The following PDE4D variants were observed in gnomAD, a reference collection of about 807,000 sequenced individuals.
PDE4D encodes the protein phosphodiesterase 4D.
A neutral mutation model predicts 87.4 loss-of-function variants in PDE4D; 24 were observed. The ratio of observed to expected loss-of-function variants is 0.27; its 90% confidence interval spans 0.20 to 0.39. The LOEUF is 0.39. Among genes scored for constraint, PDE4D ranks in the 10% least tolerant of loss-of-function variants. The pLI, the probability that PDE4D is intolerant of heterozygous loss-of-function variation, is 1.00. For missense variants in PDE4D, 714 were observed against 1,041.0 expected (o/e 0.69, Z 4.32); for synonymous variants, 384 against 383.2 (o/e 1.00, Z -0.02).
At position 59,147,971 on chromosome 5, in the gene PDE4D, G is replaced by A. The variant is rs1778916888; in HGVS notation, c.808+32624C>T. On this transcript the variant is annotated intron_variant, in intron 5 of 14. Transcript: ENST00000340635. ...TACCATATTAGGCCTGCCAGAATGT[G>A]ATTTCTTGGTATAAAGTGATTTTCA... Among the ~76,000 whole-genome samples, 7 of 152,270 alleles carry A rather than the reference G, an allele frequency of 4.6e-5. 2 individuals carry two copies. In the South Asian group the frequency reaches 1.4e-3, roughly 32 times the overall value.
chr5:59,259,039 T>C (rs771977053), intron 1 of PDE4D, among the ~76,000 whole-genome samples: 14 of 151,914 alleles, frequency 9.2e-5, no homozygotes, highest in Non-Finnish European at 1.9e-4. Context: ...ATCATATACA[T>C]GTCATATCAT....
intron 1 of PDE4D, among the ~76,000 whole-genome samples, chr5:60,293,016 T>C (rs1037439184): frequency 2.0e-4 from 28 of 141,610 alleles, no homozygotes; most frequent in Middle Eastern, 3.7e-3. Context: ...AATTCCCCCC[T>C]TTTTTTTTTG....
chr5:59,131,636 ACACACACACAT>A, intron 5 of PDE4D, among the ~76,000 whole-genome samples: 1 of 115,696 alleles, frequency 8.6e-6, no homozygotes. Context: ...ACACACACAC[ACACACACACAT>A]TAATGAGAGA....
chr5:60,004,589 T>G (rs1764302214), intron 2 of PDE4D, among the ~76,000 whole-genome samples: 1 of 152,098 alleles, frequency 6.6e-6, no homozygotes, highest in Non-Finnish European at 1.5e-5. Context: ...ACCTGATATG[T>G]TCAAAATACA....
chr5:59,720,364 G>C (rs1755656401), intron 1 of PDE4D, among the ~76,000 whole-genome samples: 1 of 152,054 alleles, frequency 6.6e-6, no homozygotes, highest in African/African-American at 2.4e-5. Context: ...GGCCTGTCTT[G>C]AACTCCTGGA....
At chr5:59,308,056 T>C (rs565993102) in intron 1 of PDE4D, among the ~76,000 whole-genome samples, 55 of 152,122 alleles carry the variant, frequency 3.6e-4, no homozygotes, top group Non-Finnish European at 7.6e-4. Context: ...TTCATGTCCT[T>C]TGTAGGGACA....
intron 1 of PDE4D, among the ~76,000 whole-genome samples, chr5:59,600,228 C>T (rs544142466): frequency 6.6e-6 from 1 of 152,326 alleles, no homozygotes; most frequent in Admixed American, 6.5e-5. Flanking sequence ...TAGATAACTG[C>T]AGCCCGCTTT....
At chr5:60,383,015 C>G (rs1761970439) in intron 1 of PDE4D, among the ~76,000 whole-genome samples, 1 of 152,244 alleles carries the variant, frequency 6.6e-6, no homozygotes, top group South Asian at 2.1e-4. Context: ...GAAAGTTTCA[C>G]TGGAGTACAT....
chr5:59,303,343 T>C (rs1477339833), intron 1 of PDE4D, among the ~76,000 whole-genome samples: 1 of 152,198 alleles, frequency 6.6e-6, no homozygotes, highest in Non-Finnish European at 1.5e-5. Flanking sequence ...GTGGGTTGTC[T>C]GTTTACTCTG....
intron 1 of PDE4D, among the ~76,000 whole-genome samples, chr5:60,428,620 T>C (rs992772796): frequency 2.0e-5 from 3 of 152,212 alleles, no homozygotes; most frequent in African/African-American, 4.8e-5. Context: ...GGACTTCCTA[T>C]ATACTGAAAA....
At chr5:59,961,967 G>A (rs1182427130) in intron 3 of PDE4D, among the ~76,000 whole-genome samples, 1 of 152,146 alleles carries the variant, frequency 6.6e-6, no homozygotes, top group African/African-American at 2.4e-5. Flanking sequence ...AAGTGAGTTA[G>A]AAAGATGTTT....
At chr5:59,952,727 T>C (rs1758428494) in intron 3 of PDE4D, among the ~76,000 whole-genome samples, 1 of 152,204 alleles carries the variant, frequency 6.6e-6, no homozygotes, top group African/African-American at 2.4e-5. Context: ...TATTATGCTA[T>C]GAGGAAGTTC....
intron 1 of PDE4D, among the ~76,000 whole-genome samples, chr5:60,297,336 A>C (rs983158031): frequency 6.6e-6 from 1 of 152,216 alleles, no homozygotes; most frequent in Non-Finnish European, 1.5e-5. Context: ...ACAGAAATAT[A>C]AAGTAATGAA....
At chr5:59,736,725 G>A (rs1179881181) in intron 1 of PDE4D, among the ~76,000 whole-genome samples, 1 of 152,062 alleles carries the variant, frequency 6.6e-6, no homozygotes, top group Admixed American at 6.6e-5. Context: ...CAAAATATAG[G>A]AGAAATCATG....
intron 1 of PDE4D, among the ~76,000 whole-genome samples, chr5:60,441,164 C>T (rs1407945699): frequency 2.0e-5 from 3 of 152,112 alleles, no homozygotes; most frequent in African/African-American, 4.8e-5. Flanking sequence ...AAACTGGAGG[C>T]ATCACGCTAC....
chr5:60,143,025 T>G (rs1780675992), intron 2 of PDE4D, among the ~76,000 whole-genome samples: 1 of 152,154 alleles, frequency 6.6e-6, no homozygotes, highest in Admixed American at 6.5e-5. Flanking sequence ...GACATTAGAT[T>G]AGACAGTCAA....
intron 6 of PDE4D, among the ~76,000 whole-genome samples, chr5:59,036,116 C>A (rs1379665751): frequency 6.6e-6 from 1 of 152,182 alleles, no homozygotes; most frequent in Non-Finnish European, 1.5e-5. Flanking sequence ...GTCTAAGAAA[C>A]AGAAATAATG....
At chr5:60,290,026 T>G (rs555595526) in intron 1 of PDE4D, among the ~76,000 whole-genome samples, 3 of 152,330 alleles carry the variant, frequency 2.0e-5, no homozygotes, top group South Asian at 4.1e-4. Context: ...TTTCTAGATA[T>G]GTCAAGATAT....
At chr5:60,136,054 G>A (rs1780015707) in intron 2 of PDE4D, among the ~76,000 whole-genome samples, 1 of 152,098 alleles carries the variant, frequency 6.6e-6, no homozygotes, top group Admixed American at 6.6e-5. Context: ...TGAGCACAAT[G>A]AACTACTGCT....
Sources: gnomAD v4.1 joint callset for allele counts (sites outside exome capture counted in the v4.1 genomes callset) on GRCh38, gnomAD v4.1.1 for gene constraint, MANE v1.5 for transcripts, NCBI Gene and HGNC (gene_info 2026-07-23, HGNC 2026-07-21) for gene names.